Variants in FNDC3A observed in about 807,000 individuals in gnomAD.
The protein encoded by FNDC3A is fibronectin type-III domain-containing protein 3A.
Under a neutral mutation model 148.9 loss-of-function variants are expected in FNDC3A, and 32 were observed. The ratio of observed to expected loss-of-function variants is 0.21; its 90% CI spans 0.16 to 0.29. FNDC3A has a LOEUF of 0.29. FNDC3A is among the 10% of genes least tolerant of loss of function. The probability of loss-of-function intolerance (pLI) is 1.00; values close to 1 mark genes in which losing one functional copy is unlikely to be tolerated. For synonymous variants in FNDC3A, 472 were observed against 473.6 expected (o/e 1.00, Z 0.04); for missense variants, 1,191 against 1,452.8 (o/e 0.82, Z 2.93).
intron 2 of FNDC3A, among the ~76,000 whole-genome samples, chr13:49,012,645 T>A (rs542909106): frequency 6.6e-6 from 1 of 152,300 alleles, no homozygotes; most frequent in East Asian, 1.9e-4. Context: ...TGGTGGCATC[T>A]TTACAATATT....
chr13:49,026,789 T>G (rs1400315180), intron 2 of FNDC3A, among the ~76,000 whole-genome samples: 2 of 152,168 alleles, frequency 1.3e-5, no homozygotes, highest in African/African-American at 4.8e-5. Context: ...ATTCTAAGTT[T>G]TAGATTTGAG....
chr13:49,028,435 C>A (rs1873878751), intron 2 of FNDC3A, among the ~76,000 whole-genome samples: 1 of 151,926 alleles, frequency 6.6e-6, no homozygotes, highest in Admixed American at 6.6e-5. Flanking sequence ...GAAACCGAAT[C>A]TCGCTTGTTG....
intron 4 of FNDC3A, among the ~76,000 whole-genome samples, chr13:49,117,101 C>T (rs962876898): frequency 2.6e-5 from 4 of 152,094 alleles, no homozygotes; most frequent in African/African-American, 7.2e-5. Flanking sequence ...ATCCTCAATG[C>T]CAAGTATATA....
At chr13:49,202,092 G>C (rs1255750722) in intron 24 of FNDC3A, 126 bp downstream of exon 24, 3 of 543,274 alleles carry the variant, frequency 5.5e-6, no homozygotes, top group Non-Finnish European at 9.1e-6. Flanking sequence ...ATACAAAATC[G>C]TATAGGCAAG....
rs528782473 is a variant in FNDC3A at position 48,975,922 on chromosome 13, C to G, written c.-295C>G. 6.6e-6 allele frequency: 1 copy of G among 152,102 alleles called. No homozygotes were observed. The highest frequency in any genetic ancestry group is 2.1e-4 in the South Asian group (1 of 4,830). The allele number at this position is 152,102 out of a possible 1,614,324, so 9.4% of individuals were successfully genotyped here. On this transcript the variant is annotated 5_prime_UTR_variant, in exon 1 of 26. Transcript: ENST00000492622. ...GACTTCGGGCTCCTCCTCCCGGCTC[C>G]GTAGTAAGCATGGCGGCGGCGGCGT...
intron 2 of FNDC3A, among the ~76,000 whole-genome samples, chr13:49,058,068 C>G (rs1019494548): frequency 6.6e-6 from 1 of 152,038 alleles, no homozygotes; most frequent in Non-Finnish European, 1.5e-5. Flanking sequence ...TGTAGCAGGA[C>G]AAGCCACAGA....
At chr13:48,979,785 C>T (rs999283140) in intron 1 of FNDC3A, among the ~76,000 whole-genome samples, 5 of 151,784 alleles carry the variant, frequency 3.3e-5, no homozygotes, top group African/African-American at 1.2e-4. Context: ...TTAGGTTTTG[C>T]AGGCCATTTA....
intron 2 of FNDC3A, among the ~76,000 whole-genome samples, chr13:49,031,868 C>A (rs115914753): frequency 0.012 from 1,875 of 152,030 alleles, 26 homozygotes; most frequent in African/African-American, 0.033. Context: ...GGAAAAAATC[C>A]ATAAAATTGG....
At chr13:49,063,588 CA>C (rs1471986259) in intron 2 of FNDC3A, among the ~76,000 whole-genome samples, 1 of 152,072 alleles carries the variant, frequency 6.6e-6, no homozygotes, top group Non-Finnish European at 1.5e-5. Flanking sequence ...ATTAATATAA[CA>C]AGCTATTGAT....
chr13:49,191,576 C>G (rs1294161853), intron 19 of FNDC3A, among the ~76,000 whole-genome samples, 192 bp downstream of exon 19: 1 of 152,088 alleles, frequency 6.6e-6, no homozygotes, highest in East Asian at 1.9e-4. Context: ...TATGAAATCT[C>G]AGTATTTTTA....
chr13:49,108,485 A>G (rs1593599323), intron 3 of FNDC3A, among the ~76,000 whole-genome samples: 1 of 152,178 alleles, frequency 6.6e-6, no homozygotes, highest in African/African-American at 2.4e-5. Flanking sequence ...AAAGTTTTCT[A>G]CAGGACATCC....
At chr13:49,014,124 G>T (rs1221849278) in intron 2 of FNDC3A, among the ~76,000 whole-genome samples, 1 of 139,268 alleles carries the variant, frequency 7.2e-6, no homozygotes, top group Non-Finnish European at 1.5e-5. Flanking sequence ...GTAATGGGAT[G>T]GCTGGGTCAA....
chr13:49,076,291 C>T (rs895779583), intron 3 of FNDC3A, among the ~76,000 whole-genome samples: 2 of 152,022 alleles, frequency 1.3e-5, no homozygotes, highest in Non-Finnish European at 2.9e-5. Context: ...GTCACCCAGG[C>T]TGGAGTGCAG....
intron 2 of FNDC3A, among the ~76,000 whole-genome samples, chr13:49,057,540 T>C (rs1205371426): frequency 8.5e-5 from 13 of 152,216 alleles, no homozygotes; most frequent in African/African-American, 4.8e-5. Flanking sequence ...TGTTATCTTA[T>C]ACCTTGCATT....
At chr13:49,093,857 T>C (rs1351343497) in intron 3 of FNDC3A, among the ~76,000 whole-genome samples, 1 of 152,228 alleles carries the variant, frequency 6.6e-6, no homozygotes, top group East Asian at 1.9e-4. Flanking sequence ...CATTTAGCTT[T>C]ACATGATTTA....
intron 8 of FNDC3A, among the ~76,000 whole-genome samples, chr13:49,163,005 C>T (rs908691530): frequency 6.6e-6 from 1 of 152,154 alleles, no homozygotes; most frequent in Non-Finnish European, 1.5e-5. Context: ...CTGGAAGCTT[C>T]GTCTCAGAGG....
At chr13:49,124,234 C>T (rs141203475) in intron 4 of FNDC3A, among the ~76,000 whole-genome samples, 2,222 of 152,130 alleles carry the variant, frequency 0.015, 26 homozygotes, top group Non-Finnish European at 0.02. Flanking sequence ...AGCAGATTAA[C>T]ACAGGAACAG....
At chr13:49,196,080 CAA>C (rs71076070) in intron 19 of FNDC3A, among the ~76,000 whole-genome samples, 70 of 71,598 alleles carry the variant, frequency 9.8e-4, no homozygotes, top group African/African-American at 3.5e-3. Flanking sequence ...GACCTTGTCT[CAA>C]AAAAAAAAAA....
chr13:49,113,699 CTTTGAAAAGGTTTCATT>C (rs572775481), intron 3 of FNDC3A, among the ~76,000 whole-genome samples: 1 of 152,166 alleles, frequency 6.6e-6, no homozygotes, highest in African/African-American at 2.4e-5. Flanking sequence ...TAAGTAATTT[CTTTGAAAAGGTTTCATT>C]TCAGGTTATA....
Sources: allele counts gnomAD v4.1 joint callset (sites outside exome capture counted in the v4.1 genomes callset), GRCh38; gene constraint gnomAD v4.1.1; transcripts MANE v1.5; gene names NCBI Gene and HGNC (gene_info 2026-07-23, HGNC 2026-07-21).